The following CDK11A variants were observed in gnomAD, a reference collection of about 807,000 sequenced individuals.
CDK11A encodes cyclin-dependent kinase 11A.
A neutral mutation model predicts 83.6 loss-of-function variants in CDK11A; 55 were observed. The ratio of observed to expected loss-of-function variants is 0.66; its 90% confidence interval spans 0.53 to 0.82. CDK11A has a LOEUF of 0.82. CDK11A is among the 40% of genes least tolerant of loss of function. CDK11A has a pLI of 0.00. For missense variants in CDK11A, 564 were observed against 810.1 expected, an observed-to-expected ratio of 0.70 and a Z score of 3.69; for synonymous variants, 247 against 302.7, an observed-to-expected ratio of 0.82 and a Z score of 1.91.
intron 3 of CDK11A, 148 bp downstream of exon 3, chr1:1,721,448 A>G (rs1331760259): frequency 6.9e-6 from 6 of 868,484 alleles, no homozygotes; most frequent in Non-Finnish European, 1.0e-5. Context: ...GTAGTACAAC[A>G]GCTACAACAC....
chr1:1,714,916 T>C (rs2101247625), intron 5 of CDK11A, among the ~76,000 whole-genome samples: 1 of 149,490 alleles, frequency 6.7e-6, no homozygotes, highest in Non-Finnish European at 1.5e-5. Flanking sequence ...CTGTACTTCA[T>C]TCTAGCAGAC....
At position 1,706,855 on chromosome 1, in the gene CDK11A, G is replaced by C. The variant is rs188145209; in HGVS notation, c.1245+554C>G. 7.2e-3 allele frequency among the ~76,000 whole-genome samples: 1,085 copies of C among 150,000 alleles called. 40 individuals are homozygous for C. Among genetic ancestry groups the C allele is most frequent in the Non-Finnish European group, 0.011 (745 of 67,598 alleles). ...TCTCCGCCCACAGGCACCAAGGAGG[G>C]GGCCGAGTCCCTGCCGGTCTCCCAG... On this transcript the variant is annotated intron_variant, in intron 11 of 19. Coordinates refer to ENST00000404249, the MANE Select transcript of CDK11A (RefSeq NM_024011.4).
intron 3 of CDK11A, among the ~76,000 whole-genome samples, chr1:1,720,534 G>C (rs1266272271): frequency 6.6e-6 from 1 of 150,858 alleles, no homozygotes; most frequent in Non-Finnish European, 1.5e-5. Flanking sequence ...GAGTAGCTGG[G>C]AGTACAGGCG....
intron 4 of CDK11A, 97 bp downstream of exon 4, chr1:1,719,231 C>T (rs2101323026): frequency 6.9e-6 from 8 of 1,162,202 alleles, no homozygotes; most frequent in Non-Finnish European, 9.4e-6. Flanking sequence ...TTTGCTTTCT[C>T]TGGTTTTTCA....
At position 1,712,407 on chromosome 1, in the gene CDK11A, A is replaced by T; in HGVS notation, c.489-7T>A. ...TAACTGCTCCAAGCGGTCCCTGAAG[A>T]GGCACACGCCATCATTCCCCCTAAA... On this transcript the variant is annotated splice_region_variant and splice_polypyrimidine_tract_variant and intron_variant, in intron 5 of 19. Coordinates refer to ENST00000404249, the MANE Select transcript of CDK11A (RefSeq NM_024011.4). The T allele has an allele frequency of 6.5e-7, 1 of 1,530,026 alleles. No individual in the cohort carries two copies. The allele number at this position is 1,530,026 out of a possible 1,614,324, so 94.8% of individuals were successfully genotyped here.
rs1161319276 is a variant in CDK11A at position 1,704,315 on chromosome 1, G to A, written c.1594C>T (p.Leu532=). 4 of 1,607,410 alleles carry A rather than the reference G, an allele frequency of 2.5e-6. No homozygotes were observed. The highest frequency in any genetic ancestry group is 3.4e-6 in the Non-Finnish European group (4 of 1,176,074). Residue 532 remains leucine (L), a synonymous_variant, in exon 15 of 20, where the codon CTG becomes TTG. Transcript: ENST00000404249. ...GEVKTLMIQL[L]RGVKHLHDNW... Reference sequence around the variant, plus strand: ...TCGTGCAGGTGTTTCACCCCCCGCAGCAGCTGGATCATCAGGGTCTTCACC... The same window carrying A: ...TCGTGCAGGTGTTTCACCCCCCGCAACAGCTGGATCATCAGGGTCTTCACC...
intron 1 of CDK11A, among the ~76,000 whole-genome samples, chr1:1,723,335 T>C (rs1256805975): frequency 1.8e-5 from 1 of 54,908 alleles, no homozygotes; most frequent in Non-Finnish European, 5.0e-5. Flanking sequence ...AAACCCTGTC[T>C]CCACTAAAAA....
chr1:1,720,955 G>T (rs755050294), intron 3 of CDK11A, among the ~76,000 whole-genome samples: 1 of 150,968 alleles, frequency 6.6e-6, no homozygotes, highest in Non-Finnish European at 1.5e-5. Context: ...AGTAATCCTA[G>T]GTCGTGGCTC....
At position 1,722,690 on chromosome 1, in the gene CDK11A, T is replaced by C. The variant is rs778002817; in HGVS notation, c.111+18A>G. 13 of 1,531,212 alleles carry C rather than the reference T, an allele frequency of 8.5e-6. No homozygotes were observed. The highest frequency in any genetic ancestry group is 5.0e-5 in the African/African-American group (3 of 59,534). The allele number at this position is 1,531,212 out of a possible 1,614,324, so 94.9% of individuals were successfully genotyped here. A position where few individuals can be genotyped will look rare whatever the true frequency, so the allele number is the denominator to read the frequency against. Reference sequence around the variant, plus strand: ...ATCTCCTTTAAGAAAACCACTTACTTAAAAAAATATGGCTTACATTTTTTA... The same window carrying C: ...ATCTCCTTTAAGAAAACCACTTACTCAAAAAAATATGGCTTACATTTTTTA... On this transcript the variant is annotated intron_variant, in intron 2 of 19. Transcript: ENST00000404249.
chr1:1,722,418 A>G (rs1644940379), intron 2 of CDK11A: 3 of 579,900 alleles, frequency 5.2e-6, no homozygotes, highest in Non-Finnish European at 8.9e-6. Flanking sequence ...ATACTTAGAG[A>G]TAGTATTATG....
At chr1:1,723,488 C>CAAAAA (rs768913380) in intron 1 of CDK11A, among the ~76,000 whole-genome samples, 32 of 20,628 alleles carry the variant, frequency 1.6e-3, no homozygotes, top group South Asian at 4.5e-3. Context: ...GACCCCGTCT[C>CAAAAA]AAAAAAAAAA....
chr1:1,704,620 G>A lies in CDK11A; in HGVS notation c.1494C>T (p.Tyr498=). The change falls in exon 14 of 20, where the codon TAC becomes TAT. Residue 498 remains tyrosine (Y), a synonymous_variant. Coordinates refer to ENST00000404249, the MANE Select transcript of CDK11A (RefSeq NM_024011.4). ...CGTGCTCCACGTAGTTCATCACGAT[G>A]TAGATCTTGTCCATGTTGCTGCCCA... ...IVVGSNMDKI[Y]IVMNYVEHDL... The A allele has an allele frequency of 6.3e-7, 1 of 1,599,952 alleles. No individual in the cohort carries two copies. Among genetic ancestry groups the A allele is most frequent in the Non-Finnish European group, 8.5e-7 (1 of 1,172,508 alleles).
intron 5 of CDK11A, 27 bp downstream of exon 5, chr1:1,716,319 A>G: frequency 1.9e-6 from 3 of 1,603,354 alleles, no homozygotes; most frequent in Non-Finnish European, 2.6e-6. Flanking sequence ...CCTTTCATAA[A>G]GTCCTCAACT....
intron 13 of CDK11A, 60 bp from the exon 14 acceptor site, chr1:1,704,715 C>G (rs907312974): frequency 1.9e-6 from 3 of 1,598,740 alleles, no homozygotes; most frequent in South Asian, 2.2e-5. Context: ...CCCCTGCACC[C>G]GGGCGCAGAT....
chr1:1,716,463 A>G lies in CDK11A; in HGVS notation c.371T>C (p.Val124Ala), dbSNP rs112748730. Residue 124 changes from valine to alanine, a missense_variant, in exon 5 of 20, where the codon GTG becomes GCG. Val to Ala is a moderately conservative substitution (Grantham distance 64). Coordinates refer to ENST00000404249, the MANE Select transcript of CDK11A (RefSeq NM_024011.4). ...HSAEGGKHAR[V>A]KEREHERRKR... ...CCGACGTTCGTGCTCTCTTTCTTTC[A>G]CTCTAGCATGCTTCCCTAATGAGAA... 53 of 1,606,178 alleles carry G rather than the reference A, an allele frequency of 3.3e-5. 5 individuals are homozygous for G. In the Middle Eastern group the frequency reaches 1.8e-3, roughly 55 times the overall value.
intron 11 of CDK11A, among the ~76,000 whole-genome samples, chr1:1,707,090 A>G (rs377149120): frequency 0.15 from 20,649 of 136,148 alleles, 3,396 homozygotes; most frequent in African/African-American, 0.43. Context: ...GTCAAGTGGA[A>G]GGCACTGCTC....
At chr1:1,706,994 T>C (rs1644338003) in intron 11 of CDK11A, among the ~76,000 whole-genome samples, 1 of 142,676 alleles carries the variant, frequency 7.0e-6, no homozygotes, top group Non-Finnish European at 1.5e-5. Flanking sequence ...ACATCTACAC[T>C]GACTCCCGTA....
rs1192073134 is a variant in CDK11A, at chr1:1,708,075, A to G, written c.1069+105T>C. 8.5e-6 allele frequency: 13 copies of G among 1,534,920 alleles called. 1 individual carries two copies. In the East Asian group the frequency reaches 3.0e-4, roughly 35 times the overall value. ...CGGCCAACGAATCAGGCGGCCTCCC[A>G]GACCCTGGCGTGCCCCACGCCGCGC... On this transcript the variant is annotated intron_variant, in intron 10 of 19. Coordinates refer to ENST00000404249, the MANE Select transcript of CDK11A (RefSeq NM_024011.4).
Position 1,703,535 on chromosome 1 carries a change from G to A in CDK11A, c.2001C>T (p.Asn667=). 1 of 1,564,986 alleles carries A rather than the reference G, an allele frequency of 6.4e-7. No homozygotes were observed. The highest frequency in any genetic ancestry group is 8.6e-7 in the Non-Finnish European group (1 of 1,165,550). ...GAGCCCCGAAGCGCTTGCGGAGGTT[G>A]TTGTAGGGGTGCTCGCTGAAGGTCA... The part of the protein sequence containing the change: ...KKMTFSEHPY[N]NLRKRFGALL... Residue 667 remains asparagine, a synonymous_variant, in exon 18 of 20, where the codon AAC becomes AAT. Coordinates refer to ENST00000404249, the MANE Select transcript of CDK11A (RefSeq NM_024011.4).
Sources: allele counts gnomAD v4.1 joint callset (sites outside exome capture counted in the v4.1 genomes callset), GRCh38; gene constraint gnomAD v4.1.1; transcripts MANE v1.5; gene names NCBI Gene and HGNC (gene_info 2026-07-23, HGNC 2026-07-21).